The following DHX9 variants were observed in gnomAD, a reference collection of about 807,000 sequenced individuals.
DHX9 encodes DExH-box helicase 9.
In DHX9, 27 loss-of-function variants were observed where a neutral mutation model predicts 148.7. The ratio of observed to expected loss-of-function variants is 0.18; its 90% CI spans 0.13 to 0.25. The LOEUF is 0.25. Among genes scored for constraint, DHX9 ranks in the 10% least tolerant of loss-of-function variants. The probability of loss-of-function intolerance (pLI) is 1.00; values close to 1 mark genes in which losing one functional copy is unlikely to be tolerated. For missense variants in DHX9, 796 were observed against 1,559.6 expected (o/e 0.51, Z 8.25); for synonymous variants, 529 against 516.6 (o/e 1.02, Z -0.33).
intron 15 of DHX9, among the ~76,000 whole-genome samples, chr1:182,874,651 AC>A (rs1441056560): frequency 6.6e-6 from 1 of 152,164 alleles, no homozygotes; most frequent in Non-Finnish European, 1.5e-5. Context: ...AAGACACCTC[AC>A]CCTCCTTCAA....
chr1:182,848,288 G>A (rs1668068591), intron 3 of DHX9, among the ~76,000 whole-genome samples: 1 of 152,232 alleles, frequency 6.6e-6, no homozygotes, highest in African/African-American at 2.4e-5. Flanking sequence ...GTTTGGGGAT[G>A]TATGGAGATA....
At position 182,880,506 on chromosome 1, in the gene DHX9, C is replaced by A; in HGVS notation, c.2522C>A (p.Ala841Glu). Residue 841 changes from alanine (A) to glutamate (E), a missense_variant, in exon 22 of 28, where the codon GCA (alanine) becomes GAA (glutamate). Ala to Glu is a moderately radical substitution (Grantham distance 107, BLOSUM62 -1). Around this residue, in one of 14 missense-constraint regions of DHX9, gnomAD observed 122 missense variants for 289.3 expected, o/e 0.42. Transcript: ENST00000367549. ...EAEHTLRELD[A>E]LDANDELTPL... ...AACTATCTCCCCACAGAGCTTGATG[C>A]ATTAGATGCCAATGATGAGTTGACT... The A allele has an allele frequency of 6.2e-7, 1 of 1,610,810 alleles. No individual in the cohort carries two copies. Among genetic ancestry groups the A allele is most frequent in the Non-Finnish European group, 8.5e-7 (1 of 1,177,238 alleles).
At position 182,880,515 on chromosome 1, in the gene DHX9, C is replaced by T; in HGVS notation, c.2531C>T (p.Ala844Val). The change falls in exon 22 of 28, where the codon GCC (alanine) becomes GTC (valine). Residue 844 changes from alanine to valine, a missense_variant. Physicochemically the swap from Ala to Val is moderately conservative, Grantham distance 64 (BLOSUM62 0). This residue lies in a region of DHX9 where 122 missense variants were observed against 289.3 expected (regional missense o/e 0.42). Transcript: ENST00000367549. ...HTLRELDALDANDELTPLGRI... is the reference protein window; with the variant it reads ...HTLRELDALDVNDELTPLGRI... ...CCCACAGAGCTTGATGCATTAGATG[C>T]CAATGATGAGTTGACTCCTTTGGGA... The T allele has an allele frequency of 6.2e-7, 1 of 1,612,642 alleles. No homozygotes were observed. Among genetic ancestry groups the T allele is most frequent in the Non-Finnish European group, 8.5e-7 (1 of 1,178,872 alleles).
intron 8 of DHX9, 62 bp from the exon 9 acceptor site, chr1:182,858,489 A>C: frequency 7.2e-7 from 1 of 1,384,672 alleles, no homozygotes; most frequent in Non-Finnish European, 1.0e-6. Flanking sequence ...TTGACTGTAT[A>C]GTCTTAGCCC....
rs1668211636 is a variant in DHX9, at chr1:182,854,141, G to GAATAT, written c.592_596dup (p.Lys199AsnfsTer19). The stretch of plus-strand genomic sequence containing the variant: ...TTTTCAGAAAGAAAAGATCCAAGGA[G>GAATAT]AATATAAGTACACCCAAGTGGGTCC... On this transcript the variant is annotated frameshift_variant, in exon 6 of 28. Coordinates refer to ENST00000367549, the MANE Select transcript of DHX9 (RefSeq NM_001357.5). LOFTEE classifies it high-confidence loss of function. The GAATAT allele has an allele frequency of 6.2e-7, 1 of 1,613,434 alleles. No homozygotes were observed.
chr1:182,884,820 A>G lies in DHX9; in HGVS notation c.3461+7A>G, dbSNP rs1320333979. ...TTATGATTGGCAGTACACGGTGAGT[A>G]CCAATATACTTCTTACTGAACCAAG... On this transcript the variant is annotated splice_region_variant and intron_variant, in intron 27 of 27. Transcript: ENST00000367549. 9.9e-6 allele frequency: 16 copies of G among 1,613,694 alleles called. No homozygotes were observed. Among genetic ancestry groups the G allele is most frequent in the African/African-American group, 1.3e-5 (1 of 75,028 alleles).
chr1:182,876,103 C>T lies in DHX9; in HGVS notation c.1869C>T (p.Ser623=), dbSNP rs1327376157. ...AATATGGTCCAGAAACAAGGTTGAG[C>T]ATGTCTCAATTGAACGAAAAGGAAA... is the stretch of plus-strand genomic sequence containing the variant. ...GDEYGPETRL[S]MSQLNEKETP... is the part of the protein sequence containing the mutation. The change falls in exon 17 of 28, where the codon AGC becomes AGT. Residue 623 remains serine, a synonymous_variant. Coordinates refer to ENST00000367549, the MANE Select transcript of DHX9 (RefSeq NM_001357.5). The T allele has an allele frequency of 2.5e-6, 4 of 1,613,800 alleles. No homozygotes were observed. The highest frequency in any genetic ancestry group is 1.3e-5 in the African/African-American group (1 of 74,894).
At chr1:182,841,053 A>T (rs1557961104) in intron 1 of DHX9, among the ~76,000 whole-genome samples, 2 of 152,104 alleles carry the variant, frequency 1.3e-5, no homozygotes, top group Non-Finnish European at 2.9e-5. Flanking sequence ...GCACTTCGGG[A>T]GGTTGAGGCG....
At chr1:182,850,829 C>T (rs1181731345) in intron 3 of DHX9, among the ~76,000 whole-genome samples, 2 of 152,202 alleles carry the variant, frequency 1.3e-5, no homozygotes, top group Non-Finnish European at 2.9e-5. Context: ...TGCACTGTGA[C>T]ACTTTCAATA....
chr1:182,872,025 C>T (rs566793209), intron 14 of DHX9, among the ~76,000 whole-genome samples: 3 of 152,144 alleles, frequency 2.0e-5, no homozygotes, highest in South Asian at 4.1e-4. Flanking sequence ...AGGCTGGTCT[C>T]GAACTCCCGA....
At chr1:182,857,300 C>T (rs1412897610) in intron 7 of DHX9, among the ~76,000 whole-genome samples, 1 of 152,124 alleles carries the variant, frequency 6.6e-6, no homozygotes, top group Non-Finnish European at 1.5e-5. Context: ...CCTTTGTACC[C>T]CTTTGCTTTA....
chr1:182,854,484 T>C (rs1317148078), intron 6 of DHX9, among the ~76,000 whole-genome samples: 1 of 152,218 alleles, frequency 6.6e-6, no homozygotes, highest in Admixed American at 6.5e-5. Flanking sequence ...TTGTCCCTAG[T>C]TGATGTAAAA....
intron 8 of DHX9, 46 bp downstream of exon 8, chr1:182,858,286 AT>A: frequency 6.3e-7 from 1 of 1,587,036 alleles, no homozygotes; most frequent in Non-Finnish European, 8.6e-7. Flanking sequence ...GTGAGATTCA[AT>A]TTAGCTCTTG....
At chr1:182,861,478 A>G (rs1668362708) in intron 12 of DHX9, among the ~76,000 whole-genome samples, 1 of 152,228 alleles carries the variant, frequency 6.6e-6, no homozygotes, top group Non-Finnish European at 1.5e-5. Context: ...ATTTTACAGA[A>G]GAGAAGCCTT....
At chr1:182,863,117 C>G (rs1004927775) in intron 12 of DHX9, among the ~76,000 whole-genome samples, 1 of 152,168 alleles carries the variant, frequency 6.6e-6, no homozygotes, top group Non-Finnish European at 1.5e-5. Context: ...AAAATATTAT[C>G]CTTTGCTTTC....
chr1:182,845,960 T>C (rs1013664423), intron 3 of DHX9, among the ~76,000 whole-genome samples: 11 of 152,188 alleles, frequency 7.2e-5, no homozygotes, highest in Non-Finnish European at 1.3e-4. Flanking sequence ...CCTTTGGTTT[T>C]TATGGAAACT....
In DHX9 at chr1:182,874,124, G is replaced by A. The variant is rs550039736; in HGVS notation, c.1715-730G>A. 9.2e-5 allele frequency among the ~76,000 whole-genome samples: 14 copies of A among 152,278 alleles called. No homozygotes were observed. In the East Asian group the frequency reaches 2.3e-3, roughly 25 times the overall value. On this transcript the variant is annotated intron_variant, in intron 15 of 27. Coordinates refer to ENST00000367549, the MANE Select transcript of DHX9 (RefSeq NM_001357.5). ...GAATTTCAAATAATTTATGTAAATG[G>A]TCTCCCCATTTTTCAAACAAGTGGG...
Position 182,863,323 on chromosome 1 carries a change from T to C in DHX9, c.1333-3121T>C, listed in dbSNP as rs1288609588. 3.9e-5 allele frequency among the ~76,000 whole-genome samples: 6 copies of C among 152,232 alleles called. No individual in the cohort carries two copies. The South Asian group carries it at 1.0e-3, about 26-fold the overall frequency. ...AGGCAAAATAACCTTTTTGAACTTG[T>C]GTTTTTAATCTACTAGAATGCAGCA... On this transcript the variant is annotated intron_variant, in intron 12 of 27. Coordinates refer to ENST00000367549, the MANE Select transcript of DHX9 (RefSeq NM_001357.5).
At chr1:182,844,181 C>G (rs1667983966) in intron 3 of DHX9, among the ~76,000 whole-genome samples, 1 of 152,210 alleles carries the variant, frequency 6.6e-6, no homozygotes, top group African/African-American at 2.4e-5. Context: ...CTCCTGACCT[C>G]AAGTGATCCA....
Sources: allele counts gnomAD v4.1 joint callset (sites outside exome capture counted in the v4.1 genomes callset), GRCh38; gene constraint gnomAD v4.1.1; regional missense constraint gnomAD v4.1.1; transcripts MANE v1.5; gene names NCBI Gene and HGNC (gene_info 2026-07-23, HGNC 2026-07-21).